The following DISP2 variants were observed in gnomAD, a reference collection of about 807,000 sequenced individuals.
DISP2 encodes protein dispatched homolog 2.
DISP2 carries 59 observed loss-of-function variants against 95.5 expected under a neutral mutation model. The observed-to-expected ratio is 0.62, with a 90% CI of 0.50 to 0.77. The LOEUF is 0.77. Among genes scored for constraint, DISP2 ranks in the 30% least tolerant of loss-of-function variants. The pLI is 0.00. For missense variants in DISP2, 1,752 were observed against 1,854.6 expected, an observed-to-expected ratio of 0.94 and a Z score of 1.02; for synonymous variants, 827 against 815.0, an observed-to-expected ratio of 1.01 and a Z score of -0.25.
chr15:40,374,291 T>A lies in DISP2; in HGVS notation c.*3973T>A. On this transcript the variant is annotated 3_prime_UTR_variant, in exon 8 of 8. Transcript: ENST00000267889. Reference sequence around the variant, plus strand: ...GTGGCACAATTTCGGCTCACTGCACTAATTTTTTGTATTTTTAGTAGAGAC... The same window carrying A: ...GTGGCACAATTTCGGCTCACTGCACAAATTTTTTGTATTTTTAGTAGAGAC... 6.9e-6 allele frequency: 1 copy of A among 145,456 alleles called. No homozygotes were observed. Among genetic ancestry groups the A allele is most frequent in the Non-Finnish European group, 1.5e-5 (1 of 66,370 alleles). 9.0% of individuals were successfully genotyped at this position (145,456 alleles called of 1,614,324 possible).
chr15:40,361,676 G>GAA (rs754984477), intron 1 of DISP2, among the ~76,000 whole-genome samples: 15 of 152,256 alleles, frequency 9.9e-5, no homozygotes, highest in Non-Finnish European at 1.9e-4. Context: ...AAGAAAGAAA[G>GAA]AGCATGTTTT....
In DISP2 at chr15:40,364,852, G is replaced by A. The variant is rs771073401; in HGVS notation, c.618G>A (p.Arg206=). 1.9e-6 allele frequency: 3 copies of A among 1,614,084 alleles called. No individual in the cohort carries two copies. Among genetic ancestry groups the A allele is most frequent in the South Asian group, 2.2e-5 (2 of 91,072 alleles). The change falls in exon 5 of 8, where the codon CGG becomes CGA. Residue 206 remains arginine, a synonymous_variant. Coordinates refer to ENST00000267889, the MANE Select transcript of DISP2 (RefSeq NM_033510.3). The part of the protein sequence containing the change: ...FSKPLLGFEP[R]DTDIGSKLVV... ...CCTCCCTGCAGGGCTTTGAGCCACG[G>A]GACACAGACATTGGGAGCAAGTTAG... is the stretch of plus-strand genomic sequence containing the variant.
chr15:40,359,316 C>G (rs1889370865), intron 1 of DISP2, among the ~76,000 whole-genome samples: 1 of 152,338 alleles, frequency 6.6e-6, no homozygotes, highest in East Asian at 1.9e-4. Flanking sequence ...CACATCGTCT[C>G]CAGAATACCC....
At position 40,368,686 on chromosome 15, in the gene DISP2, C is replaced by T. The variant is rs1462968502; in HGVS notation, c.2574C>T (p.Cys858=). 1 of 1,612,530 alleles carries T rather than the reference C, an allele frequency of 6.2e-7. No homozygotes were observed. The highest frequency in any genetic ancestry group is 1.1e-5 in the South Asian group (1 of 91,088). ...PSCARLGPDL[C]CGHSDFPWAP... Reference sequence around the variant, plus strand: ...GCGCCCGCCTGGGGCCTGACCTCTGCTGCGGCCACTCGGACTTCCCCTGGG... The same window carrying T: ...GCGCCCGCCTGGGGCCTGACCTCTGTTGCGGCCACTCGGACTTCCCCTGGG... The change falls in exon 8 of 8, where the codon TGC becomes TGT. Residue 858 remains cysteine (C), a synonymous_variant. Transcript: ENST00000267889.
At chr15:40,365,332 G>A in intron 6 of DISP2, 58 bp downstream of exon 6, 1 of 1,591,710 alleles carries the variant, frequency 6.3e-7, no homozygotes, top group East Asian at 2.2e-5. Flanking sequence ...CCACCTAGTA[G>A]GACAGGCAGG....
intron 4 of DISP2, 131 bp from the exon 5 acceptor site, chr15:40,364,707 C>T (rs1889468291): frequency 7.2e-7 from 1 of 1,396,528 alleles, no homozygotes; most frequent in African/African-American, 1.4e-5. Context: ...AAAGTTCAGA[C>T]TCACATCCAC....
intron 6 of DISP2, 100 bp from the exon 7 acceptor site, chr15:40,365,528 A>G (rs1889483425): frequency 7.1e-7 from 1 of 1,415,270 alleles, no homozygotes; most frequent in South Asian, 1.2e-5. Context: ...GATGCCTGAG[A>G]ATCTGAACCT....
rs1889675849 is a variant in DISP2, at chr15:40,373,290, C to G, written c.*2972C>G. The G allele has an allele frequency of 2.6e-5, 4 of 152,236 alleles. No homozygotes were observed. The South Asian group carries it at 8.3e-4, about 31-fold the overall frequency. 9.4% of individuals were successfully genotyped at this position (152,236 alleles called of 1,614,324 possible). ...CAAAATTCAAGAAATGATTTCTCCC[C>G]ACTCAGACACTCTAATAGAACTACA... is the stretch of plus-strand genomic sequence containing the variant. On this transcript the variant is annotated 3_prime_UTR_variant, in exon 8 of 8. Transcript: ENST00000267889.
At chr15:40,361,256 A>G (rs1889401380) in intron 1 of DISP2, among the ~76,000 whole-genome samples, 1 of 152,286 alleles carries the variant, frequency 6.6e-6, no homozygotes, top group Admixed American at 6.5e-5. Flanking sequence ...TTATATAGGT[A>G]GTGAGATTCT....
Position 40,368,575 on chromosome 15 carries a change from T to C in DISP2, c.2463T>C (p.Asn821=), listed in dbSNP as rs1277028048. ...TGGCACTCTGTCACCGGGCCCGGAA[T>C]CAGAGCTTCTTCGACACCCTGCAGG... The part of the protein sequence containing the change: ...WLLALCHRAR[N]QSFFDTLQEG... Residue 821 remains asparagine (N), a synonymous_variant, in exon 8 of 8, where the codon AAT becomes AAC. Transcript: ENST00000267889. 6.2e-7 allele frequency: 1 copy of C among 1,604,410 alleles called. No homozygotes were observed. The highest frequency in any genetic ancestry group is 1.7e-5 in the Admixed American group (1 of 60,004).
intron 2 of DISP2, 69 bp downstream of exon 2, chr15:40,364,023 C>T: frequency 6.7e-7 from 1 of 1,499,298 alleles, no homozygotes. Flanking sequence ...GTGGGGCAGA[C>T]TGCCGGGGCT....
rs1481601283 is a variant in DISP2 at position 40,364,289 on chromosome 15, G to A, written c.479+34G>A. On this transcript the variant is annotated intron_variant, in intron 3 of 7. Transcript: ENST00000267889. ...GGGCCTTCCCTGGACCTCTAGGGGTGACCAGGCTGGTGCCCAGTTAGCCCT... is the reference window on the plus strand; with the variant it reads ...GGGCCTTCCCTGGACCTCTAGGGGTAACCAGGCTGGTGCCCAGTTAGCCCT... 4 of 1,613,976 alleles carry A rather than the reference G, an allele frequency of 2.5e-6. No individual in the cohort carries two copies. In the East Asian group the frequency reaches 8.9e-5, roughly 36 times the overall value.
intron 1 of DISP2, among the ~76,000 whole-genome samples, chr15:40,363,114 T>C (rs192952939): frequency 6.8e-6 from 1 of 147,686 alleles, no homozygotes; most frequent in African/African-American, 2.5e-5. Flanking sequence ...CCATCCTGAC[T>C]AACACGGTGA....
chr15:40,367,713 C>T lies in DISP2; in HGVS notation c.1601C>T (p.Ala534Val), dbSNP rs1404963624. ...LLVAFFLYQVAFRMAYFPFVN... is the reference protein window; with the variant it reads ...LLVAFFLYQVVFRMAYFPFVN... ...GTGGCCTTCTTCCTTTACCAGGTGG[C>T]CTTCCGCATGGCCTACTTCCCCTTC... The change falls in exon 8 of 8, where the codon GCC becomes GTC. Residue 534 changes from alanine (A) to valine (V), a missense_variant. Physicochemically the swap from Ala to Val is moderately conservative, Grantham distance 64. Transcript: ENST00000267889. 3.1e-6 allele frequency: 5 copies of T among 1,613,592 alleles called. No homozygotes were observed. Among genetic ancestry groups the T allele is most frequent in the Admixed American group, 3.3e-5 (2 of 60,028 alleles).
chr15:40,369,457 G>A lies in DISP2; in HGVS notation c.3345G>A (p.Gly1115=), dbSNP rs1208412270. 1.2e-6 allele frequency: 2 copies of A among 1,613,310 alleles called. No individual in the cohort carries two copies. The highest frequency in any genetic ancestry group is 1.7e-6 in the Non-Finnish European group (2 of 1,180,030). ...FFFQSLCCFF[G]PEKNCGQILW... ...TCCAATCTCTCTGCTGTTTCTTCGGGCCAGAGAAGAACTGTGGGCAGATCC... is the reference window on the plus strand; with the variant it reads ...TCCAATCTCTCTGCTGTTTCTTCGGACCAGAGAAGAACTGTGGGCAGATCC... Residue 1115 remains glycine (G), a synonymous_variant, in exon 8 of 8, where the codon GGG becomes GGA. Coordinates refer to ENST00000267889, the MANE Select transcript of DISP2 (RefSeq NM_033510.3).
In DISP2 at chr15:40,374,289, A is replaced by AAG. The variant is rs1889697710; in HGVS notation, c.*3971_*3972insAG. ...CAGTGGCACAATTTCGGCTCACTGC[A>AAG]CTAATTTTTTGTATTTTTAGTAGAG... On this transcript the variant is annotated 3_prime_UTR_variant, in exon 8 of 8. Coordinates refer to ENST00000267889, the MANE Select transcript of DISP2 (RefSeq NM_033510.3). 1 of 143,170 alleles carries AAG rather than the reference A, an allele frequency of 7.0e-6. No homozygotes were observed. The highest frequency in any genetic ancestry group is 2.6e-5 in the African/African-American group (1 of 38,544). The allele number at this position is 143,170 out of a possible 1,614,324, so 8.9% of individuals were successfully genotyped here. A position where few individuals can be genotyped will look rare whatever the true frequency, so the allele number is the denominator to read the frequency against.
rs1167520515 is a variant in DISP2, at chr15:40,370,808, C to T, written c.*490C>T. On this transcript the variant is annotated 3_prime_UTR_variant, in exon 8 of 8. Coordinates refer to ENST00000267889, the MANE Select transcript of DISP2 (RefSeq NM_033510.3). ...GGGCTCTTCATCAGGACACTTCCCT[C>T]TCTTTTGGGAGCTTCTCTGGGCAGA... 5.6e-6 allele frequency: 2 copies of T among 358,414 alleles called. No individual in the cohort carries two copies. Among genetic ancestry groups the T allele is most frequent in the Admixed American group, 3.4e-5 (1 of 29,226 alleles). The allele number at this position is 358,414 out of a possible 1,614,324, so 22.2% of individuals were successfully genotyped here. A position where few individuals can be genotyped will look rare whatever the true frequency, so the allele number is the denominator to read the frequency against.
Position 40,366,966 on chromosome 15 carries a change from G to A in DISP2, c.946-92G>A, listed in dbSNP as rs998230382. 3.3e-6 allele frequency: 5 copies of A among 1,503,458 alleles called. No homozygotes were observed. The Admixed American group carries it at 7.4e-5, about 22-fold the overall frequency. 93.1% of individuals were successfully genotyped at this position (1,503,458 alleles called of 1,614,324 possible). A position where few individuals can be genotyped will look rare whatever the true frequency, so the allele number is the denominator to read the frequency against. ...TCCCTCTCTGCGCTTGCCCTGTAGT[G>A]TGAAAGGAGATGAGAGAGCCTTGTA... On this transcript the variant is annotated intron_variant, in intron 7 of 7. Coordinates refer to ENST00000267889, the MANE Select transcript of DISP2 (RefSeq NM_033510.3).
In DISP2 at chr15:40,377,607, CTGGGAGT is replaced by C; in HGVS notation, c.*7290_*7296del. The C allele has an allele frequency of 6.6e-6, 1 of 152,380 alleles. No homozygotes were observed. The highest frequency in any genetic ancestry group is 1.5e-5 in the Non-Finnish European group (1 of 68,178). 9.4% of individuals were successfully genotyped at this position (152,380 alleles called of 1,614,324 possible). ...AAGTGACTCTGAGGTGAGGGGATAG[CTGGGAGT>C]GTGGAGCAGCCAAGCTGGCTAGAGT... On this transcript the variant is annotated 3_prime_UTR_variant, in exon 8 of 8. Coordinates refer to ENST00000267889, the MANE Select transcript of DISP2 (RefSeq NM_033510.3).
Sources: gnomAD v4.1 joint callset for allele counts (sites outside exome capture counted in the v4.1 genomes callset) on GRCh38, gnomAD v4.1.1 for gene constraint, MANE v1.5 for transcripts, NCBI Gene and HGNC (gene_info 2026-07-23, HGNC 2026-07-21) for gene names.